The following CIAO3 variants were observed in gnomAD, a reference collection of about 807,000 sequenced individuals.
CIAO3 encodes the protein cytosolic iron-sulfur assembly component 3.
A neutral mutation model predicts 51.5 loss-of-function variants in CIAO3; 45 were observed. The observed-to-expected ratio is 0.87, with a 90% CI of 0.69 to 1.12. The LOEUF (loss-of-function observed/expected upper bound fraction) is 1.12, where lower values mean the gene tolerates loss of function less well. CIAO3 is among the 50% of genes most tolerant of loss of function. The probability of loss-of-function intolerance (pLI) is 0.00; values close to 1 mark genes in which losing one functional copy is unlikely to be tolerated. For synonymous variants in CIAO3, 314 were observed against 269.3 expected (o/e 1.17, Z -1.63); for missense variants, 668 against 632.5 (o/e 1.06, Z -0.60).
Position 737,007 on chromosome 16 carries a change from C to A in CIAO3, c.306+179G>T. 1 of 741,300 alleles carries A rather than the reference C, an allele frequency of 1.3e-6. No individual in the cohort carries two copies. Among genetic ancestry groups the A allele is most frequent in the Non-Finnish European group, 2.2e-6 (1 of 456,416 alleles). 45.9% of individuals were successfully genotyped at this position (741,300 alleles called of 1,614,324 possible). On this transcript the variant is annotated intron_variant, in intron 3 of 10. Transcript: ENST00000251588. The surrounding 1 kb of genome is among the most constrained non-coding windows in gnomAD (Gnocchi z 5.3). ...ATATTTAGAACCTGAAGTTTGGGGC[C>A]TGACACGTTCACCACTGGAGCCCAC...
chr16:740,285 C>T (rs1395148518), intron 1 of CIAO3: 1 of 369,356 alleles, frequency 2.7e-6, no homozygotes, highest in East Asian at 7.4e-5. Context: ...CATGGACAGG[C>T]AGGTGCACCC....
At chr16:733,477 C>T in intron 6 of CIAO3, 50 bp from the exon 7 acceptor site, 1 of 1,609,374 alleles carries the variant, frequency 6.2e-7, no homozygotes, top group African/African-American at 1.3e-5. Context: ...AGTAAGGTGG[C>T]TGAGACGGGA....
intron 1 of CIAO3, chr16:739,954 T>G: frequency 6.9e-7 from 1 of 1,439,114 alleles, no homozygotes; most frequent in Non-Finnish European, 9.4e-7. Flanking sequence ...AAGTTCCCAG[T>G]GTGCAGGAAG....
At chr16:738,012 G>T (rs1272175827) in intron 2 of CIAO3, 6 of 1,140,458 alleles carry the variant, frequency 5.3e-6, no homozygotes, top group Non-Finnish European at 6.5e-6. Context: ...AGGCGACTGG[G>T]TGGGAACTGT....
chr16:734,102 A>G (rs2041313221), intron 6 of CIAO3, 127 bp downstream of exon 6: 4 of 805,966 alleles, frequency 5.0e-6, no homozygotes, highest in Non-Finnish European at 6.4e-6. Context: ...ACAAGGGTGG[A>G]GGTGTGCTGG....
chr16:731,292 C>T (rs13338700), intron 9 of CIAO3: 159,727 of 593,782 alleles, frequency 0.27, 29,459 homozygotes, highest in East Asian at 0.8. Flanking sequence ...CGCGTGCCTG[C>T]GCCAGGCACC....
chr16:736,503 A>T, intron 3 of CIAO3, 105 bp from the exon 4 acceptor site: 3 of 1,363,942 alleles, frequency 2.2e-6, no homozygotes, highest in Non-Finnish European at 3.0e-6. Context: ...AGGGCAGGCC[A>T]GCTCCATCAA....
In CIAO3 at chr16:730,385, A is replaced by G. The variant is rs776343894; in HGVS notation, c.*32T>C. ...TGTGGTTCTGCTGTCACACATGGACACGGCCTCCTGGGAGTCCTGGTCCTG... is the reference window on the plus strand; with the variant it reads ...TGTGGTTCTGCTGTCACACATGGACGCGGCCTCCTGGGAGTCCTGGTCCTG... On this transcript the variant is annotated 3_prime_UTR_variant, in exon 11 of 11. Coordinates refer to ENST00000251588, the MANE Select transcript of CIAO3 (RefSeq NM_022493.3). 2 of 1,585,112 alleles carry G rather than the reference A, an allele frequency of 1.3e-6. No individual in the cohort carries two copies. Among genetic ancestry groups the G allele is most frequent in the Non-Finnish European group, 1.7e-6 (2 of 1,168,006 alleles).
chr16:740,224 C>T (rs1432546684), intron 1 of CIAO3: 2 of 654,658 alleles, frequency 3.1e-6, no homozygotes, highest in Non-Finnish European at 4.7e-6. Context: ...GAAGCGCTCC[C>T]AGCAGCCCGC....
Position 730,565 on chromosome 16 carries a change from C to T in CIAO3, c.1283G>A (p.Arg428Gln), listed in dbSNP as rs772944113. Reference sequence around the variant, plus strand: ...AGGCGCGTCCTCGGGCGCCTCAGCCCGGACCATGCCGTACAGTCTCTCCAC... The same window carrying T: ...AGGCGCGTCCTCGGGCGCCTCAGCCTGGACCATGCCGTACAGTCTCTCCAC... ...QHVERLYGMV[R>Q]AEAPEDAPGV... Residue 428 changes from arginine (R) to glutamine (Q), a missense_variant, in exon 11 of 11, where the codon CGG (arginine) becomes CAG (glutamine). Transcript: ENST00000251588. 1.2e-5 allele frequency: 20 copies of T among 1,610,880 alleles called. No individual in the cohort carries two copies. The highest frequency in any genetic ancestry group is 2.7e-5 in the African/African-American group (2 of 74,954).
At position 731,885 on chromosome 16, in the gene CIAO3, T is replaced by TC. The variant is rs1260137037; in HGVS notation, c.897-184_897-183insG. On this transcript the variant is annotated intron_variant, in intron 8 of 10. Coordinates refer to ENST00000251588, the MANE Select transcript of CIAO3 (RefSeq NM_022493.3). ...GCCCAGCCACTTCTTGTTTTTTTTT[T>TC]TGAGACGGAGTCTTGCTCTGTCGCC... 283 of 818,880 alleles carry TC rather than the reference T, an allele frequency of 3.5e-4. 2 individuals carry two copies. The African/African-American group carries it at 4.7e-3, about 13-fold the overall frequency. 50.7% of individuals were successfully genotyped at this position (818,880 alleles called of 1,614,324 possible).
At chr16:740,201 C>G (rs2041377692) in intron 1 of CIAO3, 2 of 979,520 alleles carry the variant, frequency 2.0e-6, no homozygotes, top group East Asian at 6.0e-5. Flanking sequence ...CGCCTCCCAG[C>G]TCATCCCTGC....
At chr16:736,219 G>A (rs200219057) in intron 4 of CIAO3, 47 bp downstream of exon 4, 580 of 1,608,864 alleles carry the variant, frequency 3.6e-4, no homozygotes, top group Admixed American at 6.0e-4. Flanking sequence ...TTACTCAGAC[G>A]CCCCCTTGAT....
Position 730,858 on chromosome 16 carries a change from T to C in CIAO3, c.1177A>G (p.Met393Val). ...CAGGAGCTACCTGAGGGGCAGGCCA[T>C]GACCTCCACGTAGTGGTAGGGGCAG... is the stretch of plus-strand genomic sequence containing the variant. ...GRCPYHYVEVMACPSGCLNGG... is the reference protein window; with the variant it reads ...GRCPYHYVEVVACPSGCLNGG... The change falls in exon 10 of 11, where the codon ATG becomes GTG. Residue 393 changes from methionine (M) to valine (V), a missense_variant. Coordinates refer to ENST00000251588, the MANE Select transcript of CIAO3 (RefSeq NM_022493.3). 1 of 1,612,792 alleles carries C rather than the reference T, an allele frequency of 6.2e-7. No homozygotes were observed. Among genetic ancestry groups the C allele is most frequent in the Non-Finnish European group, 8.5e-7 (1 of 1,179,964 alleles).
intron 7 of CIAO3, chr16:732,907 A>G (rs533013000): frequency 1.6e-4 from 49 of 314,716 alleles, no homozygotes; most frequent in African/African-American, 1.0e-3. Flanking sequence ...AAGTGCTGGG[A>G]TTACAGGCGT....
chr16:731,288 C>T, intron 9 of CIAO3: 1 of 595,082 alleles, frequency 1.7e-6, no homozygotes, highest in Admixed American at 3.3e-5. Context: ...TGGTCGCGTG[C>T]CTGCGCCAGG....
intron 9 of CIAO3, 195 bp from the exon 10 acceptor site, chr16:731,195 T>G: frequency 1.4e-6 from 1 of 719,680 alleles, no homozygotes; most frequent in Non-Finnish European, 2.2e-6. Context: ...GCAGGGGACC[T>G]CACCTCCAGC....
In CIAO3 at chr16:737,715, A is replaced by T. The variant is rs1567346174; in HGVS notation, c.163-386T>A. 1.2e-5 allele frequency: 15 copies of T among 1,296,666 alleles called. No homozygotes were observed. The highest frequency in any genetic ancestry group is 1.5e-5 in the Non-Finnish European group (15 of 993,932). The allele number at this position is 1,296,666 out of a possible 1,614,324, so 80.3% of individuals were successfully genotyped here. On this transcript the variant is annotated intron_variant, in intron 2 of 10. Coordinates refer to ENST00000251588, the MANE Select transcript of CIAO3 (RefSeq NM_022493.3). The surrounding 1 kb of genome is among the most constrained non-coding windows in gnomAD (Gnocchi z 5.3). ...TGGGCTCTGAAAGGAGGAGGCGGGA[A>T]AGCTGAGGACAAAGGAGGAAAGGAC...
At position 730,824 on chromosome 16, in the gene CIAO3, T is replaced by C. The variant is rs1340282844; in HGVS notation, c.1192+19A>G. The C allele has an allele frequency of 2.5e-6, 4 of 1,611,770 alleles. No individual in the cohort carries two copies. Among genetic ancestry groups the C allele is most frequent in the East Asian group, 2.2e-5 (1 of 44,886 alleles). ...GCTCCCAGAAGGGGTCCTCGTGTCC[T>C]GTCCCTTGCAGGAGCTACCTGAGGG... On this transcript the variant is annotated intron_variant, in intron 10 of 10. Coordinates refer to ENST00000251588, the MANE Select transcript of CIAO3 (RefSeq NM_022493.3).
Sources: gnomAD v4.1 joint callset for allele counts on GRCh38, gnomAD v4.1.1 for gene constraint, Gnocchi (gnomAD v3.1) non-coding constraint, MANE v1.5 for transcripts, NCBI Gene and HGNC (gene_info 2026-07-23, HGNC 2026-07-21) for gene names.